C8B: variants seen among roughly 807,000 people sequenced by gnomAD.
The protein encoded by C8B is complement C8 beta chain, also known as complement component C8 beta chain.
C8B carries 67 observed loss-of-function variants against 64.6 expected under a neutral mutation model. That is an observed-to-expected ratio of 1.04 (90% CI 0.85 to 1.27). C8B has a LOEUF of 1.27. C8B is among the 50% of genes most tolerant of loss of function. The pLI is 0.00. For synonymous variants in C8B, 284 were observed against 257.7 expected, an observed-to-expected ratio of 1.10 and a Z score of -0.98; for missense variants, 790 against 725.2, an observed-to-expected ratio of 1.09 and a Z score of -1.03.
Position 56,943,769 on chromosome 1 carries a change from A to G in C8B, c.1161T>C (p.Gly387=). 6.2e-7 allele frequency: 1 copy of G among 1,614,114 alleles called. No individual in the cohort carries two copies. The highest frequency in any genetic ancestry group is 1.7e-4 in the Middle Eastern group (1 of 6,060). The part of the protein sequence containing the change: ...ACAKNDFKIG[G]AIEEVYVSLG... ...GACTGACGTAGACCTCTTCAATGGC[A>G]CCACCAATTTTAAAATCATTTTTGG... Residue 387 remains glycine (G), a synonymous_variant, in exon 8 of 12, where the codon GGT becomes GGC. Coordinates refer to ENST00000371237, the MANE Select transcript of C8B (RefSeq NM_000066.4).
chr1:56,939,702 C>G (rs1009646040), intron 9 of C8B, among the ~76,000 whole-genome samples: 1 of 152,132 alleles, frequency 6.6e-6, no homozygotes, highest in African/African-American at 2.4e-5. Flanking sequence ...GTTTGGGTGA[C>G]AAGTGGTTAG....
intron 2 of C8B, among the ~76,000 whole-genome samples, chr1:56,959,014 A>T (rs1300830582): frequency 6.6e-6 from 1 of 152,222 alleles, no homozygotes; most frequent in Non-Finnish European, 1.5e-5. Context: ...TGAATGACAG[A>T]TATTGCGGAA....
rs879082785 is a variant in C8B, at chr1:56,954,898, C to T, written c.392-71G>A. On this transcript the variant is annotated intron_variant, in intron 3 of 11. Coordinates refer to ENST00000371237, the MANE Select transcript of C8B (RefSeq NM_000066.4). ...AAAGGAACTAACATAGTATAAGCAC[C>T]TACCAAGTGCCAGACCTTTTGTCAG... 30 of 1,582,660 alleles carry T rather than the reference C, an allele frequency of 1.9e-5. 1 individual carries two copies. The South Asian group carries it at 2.1e-4, about 11-fold the overall frequency.
chr1:56,931,890 A>T lies in C8B; in HGVS notation c.1553-12T>A. 1 of 1,606,968 alleles carries T rather than the reference A, an allele frequency of 6.2e-7. No homozygotes were observed. The highest frequency in any genetic ancestry group is 8.5e-7 in the Non-Finnish European group (1 of 1,174,622). Reference sequence around the variant, plus strand: ...GTCACAGCGTGATCCTGAGAAGACAAGGCAGAGAAAGTGTGAATCATGCCA... The same window carrying T: ...GTCACAGCGTGATCCTGAGAAGACATGGCAGAGAAAGTGTGAATCATGCCA... On this transcript the variant is annotated splice_polypyrimidine_tract_variant and intron_variant, in intron 10 of 11. Transcript: ENST00000371237.
At chr1:56,964,790 T>C (rs1645228905) in intron 1 of C8B, among the ~76,000 whole-genome samples, 2 of 152,208 alleles carry the variant, frequency 1.3e-5, no homozygotes, top group South Asian at 2.1e-4. Flanking sequence ...GGCACAATGC[T>C]ATAGATAGGG....
chr1:56,942,970 C>T (rs1186364298), intron 8 of C8B, among the ~76,000 whole-genome samples: 2 of 151,584 alleles, frequency 1.3e-5, no homozygotes, highest in East Asian at 3.9e-4. Context: ...GTGGCATGCA[C>T]CGGTAGTCCC....
chr1:56,931,028 T>A (rs1644693653), intron 11 of C8B, among the ~76,000 whole-genome samples: 1 of 152,110 alleles, frequency 6.6e-6, no homozygotes, highest in Non-Finnish European at 1.5e-5. Context: ...CCAAGCTGAG[T>A]TTAAGCACTC....
rs1644892863 is a variant in C8B at position 56,943,382 on chromosome 1, T to C, written c.1234+314A>G. The stretch of plus-strand genomic sequence containing the variant: ...TCAACAGTAGAATGGACAAAGAAAG[T>C]GGTATATTCAACAAAATAGTATGCA... On this transcript the variant is annotated intron_variant, in intron 8 of 11. Coordinates refer to ENST00000371237, the MANE Select transcript of C8B (RefSeq NM_000066.4). 2.6e-5 allele frequency among the ~76,000 whole-genome samples: 4 copies of C among 152,214 alleles called. No homozygotes were observed. In the South Asian group the frequency reaches 6.2e-4, roughly 24 times the overall value.
chr1:56,951,645 T>G (rs576236116), intron 5 of C8B, among the ~76,000 whole-genome samples: 212 of 152,318 alleles, frequency 1.4e-3, no homozygotes, highest in African/African-American at 4.7e-3. Context: ...TGCTAAATAC[T>G]TACACACATT....
At chr1:56,934,691 C>A (rs1158653515) in intron 9 of C8B, among the ~76,000 whole-genome samples, 1 of 152,100 alleles carries the variant, frequency 6.6e-6, no homozygotes, top group Admixed American at 6.5e-5. Context: ...GTGGGCAAAG[C>A]AAGGCCCCTT....
intron 9 of C8B, among the ~76,000 whole-genome samples, chr1:56,936,676 C>A (rs1388072146): frequency 6.6e-6 from 1 of 151,702 alleles, no homozygotes; most frequent in African/African-American, 2.4e-5. Context: ...CTCACTGCAA[C>A]CTCCACCTCC....
intron 9 of C8B, among the ~76,000 whole-genome samples, chr1:56,936,842 C>T (rs556125870): frequency 1.3e-5 from 2 of 152,174 alleles, no homozygotes; most frequent in Admixed American, 6.5e-5. Flanking sequence ...ATCCACCCAC[C>T]TTGGCCTCTC....
chr1:56,938,527 A>G (rs1245022953), intron 9 of C8B, among the ~76,000 whole-genome samples: 1 of 152,182 alleles, frequency 6.6e-6, no homozygotes, highest in East Asian at 1.9e-4. Flanking sequence ...TATTTCCTAT[A>G]GCATGAACAT....
intron 9 of C8B, among the ~76,000 whole-genome samples, chr1:56,936,038 C>T (rs1033745392): frequency 1.3e-5 from 2 of 152,226 alleles, no homozygotes; most frequent in African/African-American, 4.8e-5. Context: ...TTCAACTCTT[C>T]TTCTGTTCTT....
chr1:56,952,740 G>A (rs7553563), intron 4 of C8B, among the ~76,000 whole-genome samples: 31,080 of 152,106 alleles, frequency 0.2, 3,433 homozygotes, highest in Non-Finnish European at 0.24. Context: ...CCTTGGGCAA[G>A]CCAATTAAAC....
chr1:56,956,793 C>G lies in C8B; in HGVS notation c.367G>C (p.Glu123Gln). The change falls in exon 3 of 12, where the codon GAA (glutamate) becomes CAA (glutamine). Residue 123 changes from glutamate to glutamine, a missense_variant. Coordinates refer to ENST00000371237, the MANE Select transcript of C8B (RefSeq NM_000066.4). ...CCTGTCTGTGCACACACAAAGCCTT[C>G]ACATCGCACTTGACTTCCGCATGGT... ...NRPCGSQVRCEGFVCAQTGRC... is the reference protein window; with the variant it reads ...NRPCGSQVRCQGFVCAQTGRC... 1 of 1,614,074 alleles carries G rather than the reference C, an allele frequency of 6.2e-7. No homozygotes were observed. The highest frequency in any genetic ancestry group is 1.1e-5 in the South Asian group (1 of 91,078).
At chr1:56,949,850 T>A in intron 5 of C8B, 98 bp from the exon 6 acceptor site, 2 of 838,786 alleles carry the variant, frequency 2.4e-6, no homozygotes, top group South Asian at 2.9e-5. Context: ...ATGTGCTGGA[T>A]ACTGAACTAG....
chr1:56,957,830 T>C (rs1395373529), intron 2 of C8B, among the ~76,000 whole-genome samples: 2 of 152,048 alleles, frequency 1.3e-5, no homozygotes, highest in East Asian at 3.9e-4. Flanking sequence ...GGCAGAGTGC[T>C]TTGCACACTC....
chr1:56,952,238 A>C lies in C8B; in HGVS notation c.534-58T>G, dbSNP rs1645033469. On this transcript the variant is annotated intron_variant, in intron 4 of 11. Coordinates refer to ENST00000371237, the MANE Select transcript of C8B (RefSeq NM_000066.4). ...TAAAGTTTGCGGTTGCTTAATCTTG[A>C]CTGTCAGACCCTACTGAACGAAAAC... The C allele has an allele frequency of 4.3e-6, 7 of 1,609,212 alleles. No homozygotes were observed. The Admixed American group carries it at 1.0e-4, about 23-fold the overall frequency.
Sources: gnomAD v4.1 joint callset for allele counts (sites outside exome capture counted in the v4.1 genomes callset) on GRCh38, gnomAD v4.1.1 for gene constraint, MANE v1.5 for transcripts, NCBI Gene and HGNC (gene_info 2026-07-23, HGNC 2026-07-21) for gene names.